Variants in SEC14L3 observed in about 807,000 individuals in gnomAD.
The protein encoded by SEC14L3 is SEC14-like protein 3.
In SEC14L3, 56 loss-of-function variants were observed where a neutral mutation model predicts 57.4. That is an observed-to-expected ratio of 0.97 (90% CI 0.79 to 1.22). SEC14L3 has a LOEUF of 1.22. Among genes scored for constraint, SEC14L3 ranks in the 50% most tolerant of loss-of-function variants. The pLI, the probability that SEC14L3 is intolerant of heterozygous loss-of-function variation, is 0.00. For synonymous variants in SEC14L3, 173 were observed against 194.4 expected (o/e 0.89, Z 0.92); for missense variants, 485 against 511.7 (o/e 0.95, Z 0.50).
chr22:30,466,935 G>A (rs765558984), intron 6 of SEC14L3, 47 bp downstream of exon 6: 1 of 1,571,762 alleles, frequency 6.4e-7, no homozygotes, highest in South Asian at 1.1e-5. Context: ...GGCAGGCCAA[G>A]CTGGTCATCA....
intron 1 of SEC14L3, 34 bp from the exon 2 acceptor site, chr22:30,470,616 T>C: frequency 6.2e-7 from 1 of 1,614,006 alleles, no homozygotes; most frequent in Non-Finnish European, 8.5e-7. Context: ...AGTGGCTCTC[T>C]CACATTGAGC....
intron 4 of SEC14L3, chr22:30,468,977 T>A: frequency 7.0e-7 from 1 of 1,420,086 alleles, no homozygotes; most frequent in South Asian, 1.5e-5. Flanking sequence ...AAGAGTCGGG[T>A]TTAGTGATGG....
intron 11 of SEC14L3, 91 bp from the exon 12 acceptor site, chr22:30,460,233 C>T: frequency 6.5e-7 from 1 of 1,530,418 alleles, no homozygotes; most frequent in Non-Finnish European, 8.8e-7. Context: ...GCTTGTGTTC[C>T]CACTGGCTTT....
Position 30,462,069 on chromosome 22 carries a change from G to A in SEC14L3, c.771+17C>T. On this transcript the variant is annotated intron_variant, in intron 9 of 11. Coordinates refer to ENST00000215812, the MANE Select transcript of SEC14L3 (RefSeq NM_174975.5). The stretch of plus-strand genomic sequence containing the variant: ...AATTCTTGAACCTCTCTTGTCCCAG[G>A]GAAGGGCTCTTTGTACCTTGGTTAA... The A allele has an allele frequency of 1.2e-6, 2 of 1,612,924 alleles. No homozygotes were observed. Among genetic ancestry groups the A allele is most frequent in the Non-Finnish European group, 1.7e-6 (2 of 1,179,288 alleles).
chr22:30,470,101 G>A (rs1935555097), intron 3 of SEC14L3, 23 bp from the exon 4 acceptor site: 1 of 1,607,150 alleles, frequency 6.2e-7, no homozygotes, highest in South Asian at 1.1e-5. Flanking sequence ...TGAGTGGTAA[G>A]ATCCCACTGG....
downstream of SEC14L3, among the ~76,000 whole-genome samples, chr22:30,454,844 TA>T (rs1935068691): frequency 1.6e-5 from 1 of 60,870 alleles, no homozygotes; most frequent in African/African-American, 8.4e-5. Flanking sequence ...TAATAATATA[TA>T]ATATATTATA....
At chr22:30,454,809 AT>A (rs1215139549), downstream of SEC14L3, among the ~76,000 whole-genome samples, 3 of 47,598 alleles carry the variant, frequency 6.3e-5, no homozygotes, top group Non-Finnish European at 9.2e-5. Flanking sequence ...TATATTATAT[AT>A]TTTATATATT....
At chr22:30,453,967 C>A (rs1274497617) in intron 12 of SEC14L3, among the ~76,000 whole-genome samples, 1 of 152,164 alleles carries the variant, frequency 6.6e-6, no homozygotes, top group Non-Finnish European at 1.5e-5. Flanking sequence ...CTCCTCCCCC[C>A]AACTGCTGTC....
intron 11 of SEC14L3, 51 bp downstream of exon 11, chr22:30,461,259 G>T (rs1255474553): frequency 6.5e-7 from 1 of 1,534,786 alleles, no homozygotes; most frequent in South Asian, 1.3e-5. Context: ...TAAAGCATGG[G>T]ACAGGTGGCT....
chr22:30,454,526 T>G (rs970994042), downstream of SEC14L3, among the ~76,000 whole-genome samples: 20 of 117,488 alleles, frequency 1.7e-4, 1 homozygote, highest in Non-Finnish European at 3.3e-4. Flanking sequence ...TATTATTATA[T>G]ATAATCTATA....
Position 30,459,284 on chromosome 22 carries a change from GAAAGTCCCTA to G in SEC14L3, c.*727_*736del. On this transcript the variant is annotated 3_prime_UTR_variant, in exon 12 of 12. Transcript: ENST00000215812. ...CAGATGTGACTGCCTTTGCTTCCAG[GAAAGTCCCTA>G]AAACATAAGCTATGTGCAACAAGGG... 2 of 985,402 alleles carry G rather than the reference GAAAGTCCCTA, an allele frequency of 2.0e-6. No homozygotes were observed. The highest frequency in any genetic ancestry group is 2.4e-6 in the Non-Finnish European group (2 of 829,932). The allele number at this position is 985,402 out of a possible 1,614,324, so 61.0% of individuals were successfully genotyped here. A position where few individuals can be genotyped will look rare whatever the true frequency, so the allele number is the denominator to read the frequency against.
At chr22:30,456,663 G>A (rs1311405720), downstream of SEC14L3, among the ~76,000 whole-genome samples, 7 of 152,120 alleles carry the variant, frequency 4.6e-5, no homozygotes, top group East Asian at 5.8e-4. Flanking sequence ...CTCCAACATC[G>A]GGGGCCACAT....
chr22:30,466,881 C>T, intron 6 of SEC14L3, 101 bp downstream of exon 6: 1 of 1,130,820 alleles, frequency 8.8e-7, no homozygotes. Context: ...GAGCCCAGGA[C>T]ATTTTTAAAC....
At chr22:30,458,990 C>A (rs896941996), downstream of SEC14L3, among the ~76,000 whole-genome samples, 27 of 152,152 alleles carry the variant, frequency 1.8e-4, no homozygotes, top group African/African-American at 6.3e-4. Flanking sequence ...GGGTGGGCGA[C>A]AGAGCGAGAC....
chr22:30,454,407 T>C (rs890406021), downstream of SEC14L3, among the ~76,000 whole-genome samples: 6 of 151,220 alleles, frequency 4.0e-5, no homozygotes, highest in East Asian at 9.7e-4. Context: ...CAGTCTATTT[T>C]GGAGGAAGAC....
In SEC14L3 at chr22:30,459,781, C is replaced by A; in HGVS notation, c.*240G>T. The stretch of plus-strand genomic sequence containing the variant: ...TATTTATTGAGTTTCATGACACCCA[C>A]TTCTTGCCTTTACCCTTGCTTTTTC... On this transcript the variant is annotated 3_prime_UTR_variant, in exon 12 of 12. Transcript: ENST00000215812. 1 of 1,195,994 alleles carries A rather than the reference C, an allele frequency of 8.4e-7. No individual in the cohort carries two copies. The highest frequency in any genetic ancestry group is 1.0e-6 in the Non-Finnish European group (1 of 958,858). 74.1% of individuals were successfully genotyped at this position (1,195,994 alleles called of 1,614,324 possible).
At chr22:30,457,377 C>CCTTTTTTTTTTTTTTTTTT (rs1569226392), downstream of SEC14L3, among the ~76,000 whole-genome samples, 1 of 136,658 alleles carries the variant, frequency 7.3e-6, no homozygotes. Flanking sequence ...TTAAGTATGT[C>CCTTTTTTTTTTTTTTTTTT]TTTTTTTTTT....
chr22:30,455,834 G>A (rs1935110706), downstream of SEC14L3, among the ~76,000 whole-genome samples: 1 of 152,244 alleles, frequency 6.6e-6, no homozygotes, highest in Admixed American at 6.5e-5. Flanking sequence ...CCCAAGAACA[G>A]TGAGACTTTT....
At chr22:30,449,364 C>T in intron 12 of SEC14L3, 1 of 1,317,932 alleles carries the variant, frequency 7.6e-7, no homozygotes, top group Non-Finnish European at 1.0e-6. Flanking sequence ...AAATAGGATT[C>T]TATGTGTCAT....
Sources: gnomAD v4.1 joint callset for allele counts (sites outside exome capture counted in the v4.1 genomes callset) on GRCh38, gnomAD v4.1.1 for gene constraint, MANE v1.5 for transcripts, NCBI Gene and HGNC (gene_info 2026-07-23, HGNC 2026-07-21) for gene names.